Variants in AR observed in about 807,000 individuals in gnomAD.
AR encodes dihydrotestosterone receptor.
AR carries 8 observed loss-of-function variants against 53.9 expected under a neutral mutation model. That is an observed-to-expected ratio of 0.15 (90% confidence interval 0.09 to 0.27). AR has a LOEUF of 0.27. AR is among the 10% of genes least tolerant of loss of function. The pLI, the probability that AR is intolerant of heterozygous loss-of-function variation, is 1.00. For missense variants in AR, 639 were observed against 742.5 expected, an observed-to-expected ratio of 0.86 and a Z score of 1.62; for synonymous variants, 359 against 316.4, an observed-to-expected ratio of 1.13 and a Z score of -1.43.
chrX:67,659,962 C>A lies in AR; in HGVS notation c.1768+16555C>A, dbSNP rs1319993243. On this transcript the variant is annotated intron_variant, in intron 2 of 7. Coordinates refer to ENST00000374690, the MANE Select transcript of AR (RefSeq NM_000044.6). ...GTTTTGATTTGCATTTCTCTGATGG[C>A]CAGTGATGATGAGCATTTTTTCATG... Among the ~76,000 whole-genome samples, 11 of 112,002 alleles carry A rather than the reference C, an allele frequency of 9.8e-5. No homozygotes were observed. In the East Asian group the frequency reaches 3.1e-3, roughly 32 times the overall value.
intron 3 of AR, among the ~76,000 whole-genome samples, chrX:67,692,796 G>GTT (rs2076001732): frequency 8.9e-6 from 1 of 112,000 alleles, no homozygotes; most frequent in Non-Finnish European, 1.9e-5. Flanking sequence ...ACTGGGGTCT[G>GTT]TTCTCTCTCT....
chrX:67,630,977 T>C (rs1342935528), intron 1 of AR, among the ~76,000 whole-genome samples: 1 of 111,795 alleles, frequency 8.9e-6, no homozygotes, highest in Non-Finnish European at 1.9e-5. Context: ...CCCTACTCTC[T>C]TCTGGCTTGT....
rs1344748938 is a variant in AR, at chrX:67,688,090, A to G, written c.1885+1964A>G. On this transcript the variant is annotated intron_variant, in intron 3 of 7. Coordinates refer to ENST00000374690, the MANE Select transcript of AR (RefSeq NM_000044.6). ...TCAAATTTGAGTGGGCTTGGTGAAC[A>G]CAATGAAGACAAGCTGAGAAGTGCT... Among the ~76,000 whole-genome samples, 3 of 111,911 alleles carry G rather than the reference A, an allele frequency of 2.7e-5. No homozygotes were observed. The Admixed American group carries it at 2.8e-4, about 11-fold the overall frequency.
rs151235772 is a variant in AR at position 67,634,063 on chromosome X, C to T, written c.1617-9193C>T. Among the ~76,000 whole-genome samples the T allele has an allele frequency of 8.2e-3, 906 of 110,938 alleles. 7 individuals are homozygous for T. The highest frequency in any genetic ancestry group is 0.028 in the African/African-American group (863 of 30,513). The stretch of plus-strand genomic sequence containing the variant: ...AACTCAGTAAGCCCATTAAAAACAA[C>T]CTAATTAAATTAAAACCAAGCTATA... On this transcript the variant is annotated intron_variant, in intron 1 of 7. Coordinates refer to ENST00000374690, the MANE Select transcript of AR (RefSeq NM_000044.6).
chrX:67,616,264 G>T (rs1405371653), intron 1 of AR, among the ~76,000 whole-genome samples: 1 of 110,525 alleles, frequency 9.0e-6, no homozygotes, highest in African/African-American at 3.3e-5. Flanking sequence ...TGTTACATAG[G>T]CATACATGTG....
intron 2 of AR, among the ~76,000 whole-genome samples, chrX:67,675,941 G>A (rs2075897371): frequency 9.0e-6 from 1 of 111,386 alleles, no homozygotes; most frequent in Non-Finnish European, 1.9e-5. Context: ...AGGGCGCTTG[G>A]AATCAGAAAA....
At chrX:67,663,351 C>G (rs762835250) in intron 2 of AR, among the ~76,000 whole-genome samples, 1 of 111,933 alleles carries the variant, frequency 8.9e-6, no homozygotes, top group Admixed American at 9.5e-5. Flanking sequence ...ATTTGCTTGT[C>G]TGTAAAGGAT....
intron 1 of AR, among the ~76,000 whole-genome samples, chrX:67,583,203 A>G (rs1454199226): frequency 8.9e-6 from 1 of 112,109 alleles, no homozygotes; most frequent in African/African-American, 3.2e-5. Context: ...TAAGATAACT[A>G]CTTGTTTATT....
chrX:67,620,809 G>A (rs1347311651), intron 1 of AR, among the ~76,000 whole-genome samples: 1 of 111,697 alleles, frequency 9.0e-6, no homozygotes, highest in Non-Finnish European at 1.9e-5. Context: ...CCAGACTTAT[G>A]ATAGGGGATA....
At chrX:67,630,491 G>C (rs1462780038) in intron 1 of AR, among the ~76,000 whole-genome samples, 1 of 110,209 alleles carries the variant, frequency 9.1e-6, no homozygotes, top group African/African-American at 3.3e-5. Flanking sequence ...CCATTTGCTT[G>C]GTAGATCTTC....
intron 1 of AR, among the ~76,000 whole-genome samples, chrX:67,606,874 G>A (rs1159548348): frequency 1.8e-5 from 2 of 112,031 alleles, no homozygotes; most frequent in Non-Finnish European, 3.8e-5. Context: ...GTAGTTGAGC[G>A]AAAAAGGATG....
At chrX:67,620,346 T>C (rs1413940688) in intron 1 of AR, among the ~76,000 whole-genome samples, 3 of 109,403 alleles carry the variant, frequency 2.7e-5, no homozygotes, top group African/African-American at 1.0e-4. Flanking sequence ...CAGTAGTGTC[T>C]GACAGAGGAG....
At chrX:67,644,529 C>T (rs919018035) in intron 2 of AR, among the ~76,000 whole-genome samples, 1 of 111,775 alleles carries the variant, frequency 8.9e-6, no homozygotes, top group African/African-American at 3.2e-5. Context: ...CCACACCATT[C>T]ACCACGAATG....
At chrX:67,559,547 T>C (rs768725861) in intron 1 of AR, among the ~76,000 whole-genome samples, 7 of 112,474 alleles carry the variant, frequency 6.2e-5, no homozygotes, top group Non-Finnish European at 1.3e-4. Context: ...TGAATGTGGT[T>C]GTCAGATAAC....
rs149310471 is a variant in AR at position 67,602,206 on chromosome X, C to G, written c.1617-41050C>G. On this transcript the variant is annotated intron_variant, in intron 1 of 7. Transcript: ENST00000374690. ...AATAATAAACTAAGCTATCTCTACT[C>G]AGTCCATTTTAATACAAAAATATTT... 7.0e-3 allele frequency among the ~76,000 whole-genome samples: 779 copies of G among 112,024 alleles called. 5 individuals are homozygous for G. The highest frequency in any genetic ancestry group is 0.024 in the African/African-American group (746 of 30,903).
chrX:67,612,136 ATG>A (rs1849124823), intron 1 of AR, among the ~76,000 whole-genome samples: 1 of 112,398 alleles, frequency 8.9e-6, no homozygotes, highest in Non-Finnish European at 1.9e-5. Flanking sequence ...TGAATGTGAA[ATG>A]TGTATTTACC....
intron 3 of AR, among the ~76,000 whole-genome samples, chrX:67,708,810 TG>T (rs2076080578): frequency 8.9e-6 from 1 of 111,922 alleles, no homozygotes; most frequent in African/African-American, 3.3e-5. Context: ...GACATACAGA[TG>T]GGATTTTGGT....
At chrX:67,573,536 A>G (rs1233799828) in intron 1 of AR, among the ~76,000 whole-genome samples, 2 of 111,153 alleles carry the variant, frequency 1.8e-5, no homozygotes, top group Non-Finnish European at 3.8e-5. Context: ...GTCCCCCCTA[A>G]CCCTTCAAAT....
chrX:67,565,280 C>G (rs1921507437), intron 1 of AR, among the ~76,000 whole-genome samples: 1 of 112,209 alleles, frequency 8.9e-6, no homozygotes, highest in Non-Finnish European at 1.9e-5. Flanking sequence ...CTTATTCAGG[C>G]AGCCATGCCC....
Sources: allele counts gnomAD v4.1 joint callset (sites outside exome capture counted in the v4.1 genomes callset), GRCh38; gene constraint gnomAD v4.1.1; transcripts MANE v1.5; gene names NCBI Gene and HGNC (gene_info 2026-07-23, HGNC 2026-07-21).